Variants in CNBD2 observed in about 807,000 individuals in gnomAD.
CNBD2 encodes cyclic nucleotide binding domain containing 2, also known as cyclic nucleotide-binding domain-containing protein 2.
Under a neutral mutation model 63.7 loss-of-function variants are expected in CNBD2, and 64 were observed. The ratio of observed to expected loss-of-function variants is 1.00; its 90% CI spans 0.82 to 1.24. The LOEUF (loss-of-function observed/expected upper bound fraction) is 1.24, where lower values mean the gene tolerates loss of function less well. CNBD2 is among the 50% of genes most tolerant of loss of function. The pLI is 0.00. For synonymous variants in CNBD2, 229 were observed against 255.4 expected (o/e 0.90, Z 0.99); for missense variants, 691 against 713.5 (o/e 0.97, Z 0.36).
chr20:35,957,058 G>C (rs919431841), downstream of CNBD2, among the ~76,000 whole-genome samples: 4 of 152,132 alleles, frequency 2.6e-5, no homozygotes, highest in Admixed American at 1.3e-4. Flanking sequence ...GTGGCACCTG[G>C]AATCATGAGA....
At chr20:35,958,746 G>A (rs996500701), downstream of CNBD2, 20 of 151,998 alleles carry the variant, frequency 1.3e-4, no homozygotes, top group African/African-American at 2.9e-4. Flanking sequence ...GAGATCCCTC[G>A]TGCTATCTCT....
chr20:36,009,774 G>A (rs1463806995), intron 9 of CNBD2, among the ~76,000 whole-genome samples: 1 of 152,156 alleles, frequency 6.6e-6, no homozygotes, highest in Non-Finnish European at 1.5e-5. Context: ...GGAGGTTGCA[G>A]TGAGCTGAGA....
chr20:35,961,676 C>T (rs2056309870), intron 2 of CNBD2, among the ~76,000 whole-genome samples: 1 of 151,936 alleles, frequency 6.6e-6, no homozygotes, highest in African/African-American at 2.4e-5. Flanking sequence ...GAAGTGAGTT[C>T]TTCTGGACAA....
chr20:36,004,974 A>G (rs529296425), intron 8 of CNBD2, among the ~76,000 whole-genome samples: 1 of 152,224 alleles, frequency 6.6e-6, no homozygotes, highest in South Asian at 2.1e-4. Flanking sequence ...GCAGAAGTCT[A>G]GATCTATGTT....
At chr20:35,976,825 T>A in intron 3 of CNBD2, among the ~76,000 whole-genome samples, 1 of 152,048 alleles carries the variant, frequency 6.6e-6, no homozygotes, top group East Asian at 1.9e-4. Flanking sequence ...TGGCTTGGAG[T>A]AGCCACGTTG....
At chr20:35,954,500 T>C (rs1208262965), upstream of CNBD2, 1 of 1,538,534 alleles carries the variant, frequency 6.5e-7, no homozygotes, top group Non-Finnish European at 8.8e-7. Flanking sequence ...CTGGCTTCTC[T>C]GCGTCCAGGT....
chr20:35,981,569 G>T (rs2056599954), intron 4 of CNBD2, among the ~76,000 whole-genome samples: 1 of 151,984 alleles, frequency 6.6e-6, no homozygotes, highest in Admixed American at 6.6e-5. Flanking sequence ...CTTTGTAGCT[G>T]GGACAAGGGG....
At position 36,001,064 on chromosome 20, in the gene CNBD2, G is replaced by C. The variant is rs888028067; in HGVS notation, c.970+5912G>C. On this transcript the variant is annotated intron_variant, in intron 8 of 11. Transcript: ENST00000373973. Reference sequence around the variant, plus strand: ...TGTTTCAGAGAGCACAGGGTTGGGGGTAAGGTCACAGATCAACAGGATAAG... The same window carrying C: ...TGTTTCAGAGAGCACAGGGTTGGGGCTAAGGTCACAGATCAACAGGATAAG... Among the ~76,000 whole-genome samples the C allele has an allele frequency of 6.2e-4, 94 of 151,382 alleles. 1 individual carries two copies. The highest frequency in any genetic ancestry group is 4.0e-3 in the Admixed American group (60 of 15,186).
At chr20:35,992,342 A>G (rs963227440) in intron 7 of CNBD2, among the ~76,000 whole-genome samples, 28 of 152,152 alleles carry the variant, frequency 1.8e-4, no homozygotes, top group Non-Finnish European at 4.1e-4. Flanking sequence ...GGAATTTTCA[A>G]ATTTTGGTAA....
At chr20:35,969,105 A>AT (rs1412182549) in intron 1 of CNBD2, among the ~76,000 whole-genome samples, 2 of 152,204 alleles carry the variant, frequency 1.3e-5, no homozygotes, top group African/African-American at 4.8e-5. Context: ...GGGTAGCAAC[A>AT]TTGAGTCATA....
At chr20:35,963,539 G>C (rs546062937) in intron 2 of CNBD2, among the ~76,000 whole-genome samples, 18 of 152,070 alleles carry the variant, frequency 1.2e-4, no homozygotes, top group African/African-American at 4.1e-4. Context: ...TACTCAGGAG[G>C]CTGACGCAGG....
rs148962278 is a variant in CNBD2, at chr20:35,992,406, G to A, written c.856-2632G>A. ...GGGAGGAATTCTCAAACTTTGGTAAGCATACAAACACATAGGGTGCTTTTT... is the reference window on the plus strand; with the variant it reads ...GGGAGGAATTCTCAAACTTTGGTAAACATACAAACACATAGGGTGCTTTTT... On this transcript the variant is annotated intron_variant, in intron 7 of 11. Transcript: ENST00000373973. Among the ~76,000 whole-genome samples the A allele has an allele frequency of 2.3e-3, 357 of 152,304 alleles. 4 individuals carry two copies. Among genetic ancestry groups the A allele is most frequent in the Admixed American group, 0.02 (306 of 15,304 alleles).
chr20:35,992,828 T>G (rs922106070), intron 7 of CNBD2, among the ~76,000 whole-genome samples: 2 of 150,046 alleles, frequency 1.3e-5, no homozygotes, highest in Non-Finnish European at 3.0e-5. Flanking sequence ...TTTTTTTTCC[T>G]GCCTGGCCAG....
intron 1 of CNBD2, among the ~76,000 whole-genome samples, chr20:35,972,184 CCCTT>C (rs1264642779): frequency 1.3e-5 from 2 of 152,166 alleles, no homozygotes; most frequent in Non-Finnish European, 2.9e-5. Context: ...GGCTTGTGGG[CCCTT>C]CCTTCATCTT....
intron 8 of CNBD2, among the ~76,000 whole-genome samples, chr20:35,999,490 A>G (rs2056868353): frequency 6.6e-6 from 1 of 152,034 alleles, no homozygotes; most frequent in Non-Finnish European, 1.5e-5. Flanking sequence ...ATCATTGTAT[A>G]TACTTTTAAC....
chr20:35,974,373 C>A (rs146008971), intron 2 of CNBD2: 1 of 153,720 alleles, frequency 6.5e-6, no homozygotes, highest in Non-Finnish European at 1.5e-5. Context: ...GATCAGAGGG[C>A]TTTGGTTACC....
At chr20:35,980,770 T>C (rs1189049458) in intron 4 of CNBD2, 148 bp downstream of exon 4, 3 of 679,462 alleles carry the variant, frequency 4.4e-6, no homozygotes, top group Non-Finnish European at 7.4e-6. Context: ...CAGCTCCCAC[T>C]GCTATGGTCG....
chr20:35,994,695 C>A (rs765426827), intron 7 of CNBD2, among the ~76,000 whole-genome samples: 103 of 151,562 alleles, frequency 6.8e-4, no homozygotes, highest in Non-Finnish European at 1.0e-3. Flanking sequence ...TCGAGACCAG[C>A]CTGGCCAACA....
rs899188543 is a variant in CNBD2 at position 35,975,720 on chromosome 20, C to A, written c.190-229C>A. Among the ~76,000 whole-genome samples the A allele has an allele frequency of 1.1e-4, 16 of 152,134 alleles. 1 individual carries two copies. Among genetic ancestry groups the A allele is most frequent in the Admixed American group, 9.2e-4 (14 of 15,262 alleles). On this transcript the variant is annotated intron_variant, in intron 2 of 11. Transcript: ENST00000373973. Reference sequence around the variant, plus strand: ...CCTTATCCTCCTTTCCTTCTCCCCACCCCCATATTTCTCTGCCTTCACAAT... The same window carrying A: ...CCTTATCCTCCTTTCCTTCTCCCCAACCCCATATTTCTCTGCCTTCACAAT...
Sources: allele counts gnomAD v4.1 joint callset (sites outside exome capture counted in the v4.1 genomes callset), GRCh38; gene constraint gnomAD v4.1.1; transcripts MANE v1.5; gene names NCBI Gene and HGNC (gene_info 2026-07-23, HGNC 2026-07-21).